RGS7: variants seen among roughly 807,000 people sequenced by gnomAD.
RGS7 encodes regulator of G-protein signaling 7.
RGS7 carries 27 observed loss-of-function variants against 81.1 expected under a neutral mutation model. The observed-to-expected ratio is 0.33, with a 90% CI of 0.25 to 0.46. The LOEUF (loss-of-function observed/expected upper bound fraction) is 0.46. RGS7 is among the 20% of genes least tolerant of loss of function. RGS7 has a pLI of 1.00. For synonymous variants in RGS7, 208 were observed against 207.7 expected (o/e 1.00, Z -0.01); for missense variants, 396 against 607.4 (o/e 0.65, Z 3.66).
At chr1:240,918,796 G>T (rs1210450116) in intron 6 of RGS7, among the ~76,000 whole-genome samples, 3 of 151,646 alleles carry the variant, frequency 2.0e-5, no homozygotes, top group Non-Finnish European at 4.4e-5. Flanking sequence ...ACCAAAATCT[G>T]GGTGCTTAAA....
chr1:241,130,386 G>A (rs1017127776), intron 2 of RGS7, among the ~76,000 whole-genome samples: 1 of 150,568 alleles, frequency 6.6e-6, no homozygotes, highest in Non-Finnish European at 1.5e-5. Flanking sequence ...GCTTTTAACT[G>A]TATGATGGAC....
chr1:240,971,866 T>C (rs1218684292), intron 4 of RGS7, among the ~76,000 whole-genome samples: 1 of 152,170 alleles, frequency 6.6e-6, no homozygotes, highest in Admixed American at 6.5e-5. Flanking sequence ...GACAATAAAA[T>C]ATATATTTTG....
intron 2 of RGS7, among the ~76,000 whole-genome samples, chr1:241,324,521 C>T (rs74150263): frequency 0.038 from 5,732 of 152,194 alleles, 354 homozygotes; most frequent in African/African-American, 0.12. Flanking sequence ...TCTTCTAATA[C>T]GTGTACCCTT....
At chr1:240,885,259 T>C (rs1219212502) in intron 6 of RGS7, among the ~76,000 whole-genome samples, 1 of 152,046 alleles carries the variant, frequency 6.6e-6, no homozygotes. Context: ...CAACAGATGC[T>C]GGCGAGGTTG....
At chr1:240,800,969 C>T (rs1474366742) in intron 17 of RGS7, among the ~76,000 whole-genome samples, 1 of 152,052 alleles carries the variant, frequency 6.6e-6, no homozygotes, top group East Asian at 1.9e-4. Flanking sequence ...TCTGGTGGGG[C>T]ATATCTTGTC....
chr1:240,901,831 G>T (rs1314295720), intron 6 of RGS7, among the ~76,000 whole-genome samples: 1 of 152,142 alleles, frequency 6.6e-6, no homozygotes, highest in Non-Finnish European at 1.5e-5. Context: ...CCAGACCTCT[G>T]CAGGCTTTCA....
chr1:241,151,565 CTT>C (rs58097674), intron 2 of RGS7, among the ~76,000 whole-genome samples: 64 of 116,464 alleles, frequency 5.5e-4, no homozygotes, highest in Non-Finnish European at 4.5e-4. Context: ...ATTAGGAACT[CTT>C]TTTTTTTTTT....
At chr1:241,279,138 A>G (rs144462133) in intron 2 of RGS7, among the ~76,000 whole-genome samples, 7 of 151,288 alleles carry the variant, frequency 4.6e-5, no homozygotes, top group African/African-American at 1.7e-4. Context: ...TATATATAAT[A>G]TAACATATAA....
chr1:241,212,753 G>C (rs2074318623), intron 2 of RGS7, among the ~76,000 whole-genome samples: 1 of 152,164 alleles, frequency 6.6e-6, no homozygotes, highest in Non-Finnish European at 1.5e-5. Flanking sequence ...TCTACATTCT[G>C]TCTAATGAAT....
chr1:241,242,615 T>C (rs2076320099), intron 2 of RGS7, among the ~76,000 whole-genome samples: 1 of 152,196 alleles, frequency 6.6e-6, no homozygotes, highest in African/African-American at 2.4e-5. Flanking sequence ...GGTTTCCCTT[T>C]TTACCACATC....
At chr1:241,196,122 C>T in intron 2 of RGS7, among the ~76,000 whole-genome samples, 1 of 151,818 alleles carries the variant, frequency 6.6e-6, no homozygotes. Context: ...GTATTAACTT[C>T]AAAGGGGGGA....
chr1:241,024,535 T>C (rs1256229252), intron 3 of RGS7, among the ~76,000 whole-genome samples: 1 of 152,170 alleles, frequency 6.6e-6, no homozygotes, highest in Non-Finnish European at 1.5e-5. Flanking sequence ...TGGAATAATA[T>C]CTCATTATAT....
At chr1:241,246,031 G>T (rs2076520557) in intron 2 of RGS7, among the ~76,000 whole-genome samples, 1 of 152,076 alleles carries the variant, frequency 6.6e-6, no homozygotes, top group Non-Finnish European at 1.5e-5. Context: ...GTGAACCTGG[G>T]AGGTGGAGCT....
At position 240,960,488 on chromosome 1, in the gene RGS7, C is replaced by T. The variant is rs945058400; in HGVS notation, c.226+22591G>A. The stretch of plus-strand genomic sequence containing the variant: ...AAGTCCTGAGCTCAAGTGATCTTCC[C>T]GCCTCAGCCTTCCAAAGTGCTAGGA... On this transcript the variant is annotated intron_variant, in intron 4 of 18. Transcript: ENST00000440928. Among the ~76,000 whole-genome samples the T allele has an allele frequency of 4.0e-5, 6 of 150,664 alleles. No homozygotes were observed. In the South Asian group the frequency reaches 8.4e-4, roughly 21 times the overall value.
intron 3 of RGS7, among the ~76,000 whole-genome samples, chr1:241,012,526 C>T (rs576891649): frequency 6.6e-6 from 1 of 152,268 alleles, no homozygotes; most frequent in East Asian, 1.9e-4. Flanking sequence ...CTCATTATCC[C>T]CCTTCCTGAC....
At chr1:240,892,525 T>TA (rs1303527171) in intron 6 of RGS7, among the ~76,000 whole-genome samples, 3 of 152,184 alleles carry the variant, frequency 2.0e-5, no homozygotes, top group Non-Finnish European at 4.4e-5. Context: ...TTTTCTTTCT[T>TA]ACTGCTGTTA....
intron 2 of RGS7, among the ~76,000 whole-genome samples, chr1:241,230,838 T>C (rs1182275175): frequency 6.6e-6 from 1 of 152,190 alleles, no homozygotes; most frequent in Non-Finnish European, 1.5e-5. Context: ...GTTGTCCCCA[T>C]ATTGCTTCTG....
At chr1:240,795,995 C>T (rs1687000881) in intron 18 of RGS7, among the ~76,000 whole-genome samples, 1 of 151,950 alleles carries the variant, frequency 6.6e-6, no homozygotes, top group Non-Finnish European at 1.5e-5. Context: ...CCATGTTGCC[C>T]AGGTGGTTCT....
chr1:241,022,159 T>C (rs1233696974), intron 3 of RGS7, among the ~76,000 whole-genome samples: 1 of 152,210 alleles, frequency 6.6e-6, no homozygotes, highest in Non-Finnish European at 1.5e-5. Flanking sequence ...GTAGGCCTTT[T>C]CAATCTCACA....
Sources: gnomAD v4.1 joint callset for allele counts (sites outside exome capture counted in the v4.1 genomes callset) on GRCh38, gnomAD v4.1.1 for gene constraint, MANE v1.5 for transcripts, NCBI Gene and HGNC (gene_info 2026-07-23, HGNC 2026-07-21) for gene names.